Variants in ZDHHC14 observed in about 807,000 individuals in gnomAD.
ZDHHC14 encodes the protein palmitoyltransferase ZDHHC14.
A neutral mutation model predicts 47.7 loss-of-function variants in ZDHHC14; 16 were observed. The observed-to-expected ratio is 0.34, with a 90% confidence interval of 0.23 to 0.51. ZDHHC14 has a LOEUF of 0.51. ZDHHC14 is among the 20% of genes least tolerant of loss of function. The pLI is 0.97. For missense variants in ZDHHC14, 515 were observed against 662.5 expected (o/e 0.78, Z 2.44); for synonymous variants, 293 against 278.9 (o/e 1.05, Z -0.50).
chr6:157,538,027 G>A (rs1361107953), intron 1 of ZDHHC14, among the ~76,000 whole-genome samples: 1 of 152,180 alleles, frequency 6.6e-6, no homozygotes, highest in African/African-American at 2.4e-5. Context: ...AGGTGTCTCA[G>A]TAGCCCTGAC....
chr6:157,488,689 A>C (rs1182678992), intron 1 of ZDHHC14, among the ~76,000 whole-genome samples: 1 of 152,134 alleles, frequency 6.6e-6, no homozygotes, highest in African/African-American at 2.4e-5. Flanking sequence ...ATCAGTACTC[A>C]CTACCAGTTT....
intron 5 of ZDHHC14, among the ~76,000 whole-genome samples, chr6:157,636,309 T>C (rs1263716767): frequency 2.7e-5 from 4 of 150,242 alleles, no homozygotes; most frequent in African/African-American, 9.8e-5. Flanking sequence ...CACACACACA[T>C]ATATAAGGAC....
chr6:157,429,374 T>C (rs1778290326), intron 1 of ZDHHC14, among the ~76,000 whole-genome samples: 1 of 152,210 alleles, frequency 6.6e-6, no homozygotes, highest in South Asian at 2.1e-4. Flanking sequence ...TAGACTGTGA[T>C]ATAAAAATGA....
chr6:157,424,970 A>G (rs543136837), intron 1 of ZDHHC14, among the ~76,000 whole-genome samples: 13 of 152,256 alleles, frequency 8.5e-5, no homozygotes, highest in African/African-American at 3.1e-4. Context: ...CACTGCAGCC[A>G]GAGGGAGCTT....
chr6:157,442,758 C>T (rs530541442), intron 1 of ZDHHC14, among the ~76,000 whole-genome samples: 1 of 152,358 alleles, frequency 6.6e-6, no homozygotes, highest in South Asian at 2.1e-4. Flanking sequence ...ACAATTTGCT[C>T]TTCTCCTTCT....
chr6:157,404,480 A>G (rs1685742240), intron 1 of ZDHHC14, among the ~76,000 whole-genome samples: 1 of 152,226 alleles, frequency 6.6e-6, no homozygotes, highest in East Asian at 1.9e-4. Flanking sequence ...CTCCTCAACT[A>G]ATTCCTAGGG....
intron 1 of ZDHHC14, among the ~76,000 whole-genome samples, chr6:157,490,478 G>T (rs894211147): frequency 2.6e-5 from 4 of 152,190 alleles, no homozygotes; most frequent in Non-Finnish European, 5.9e-5. Flanking sequence ...GGGAGGCAAG[G>T]TATATCTACA....
rs1783697488 is a variant in ZDHHC14, at chr6:157,586,358, G to A, written c.407-6630G>A. Among the ~76,000 whole-genome samples, 1 of 152,216 alleles carries A rather than the reference G, an allele frequency of 6.6e-6. No individual in the cohort carries two copies. The highest frequency in any genetic ancestry group is 1.5e-5 in the Non-Finnish European group (1 of 68,040). On this transcript the variant is annotated intron_variant, in intron 2 of 8. Transcript: ENST00000359775. The surrounding 1 kb of genome is among the most constrained non-coding windows in gnomAD (Gnocchi z 4.6). The stretch of plus-strand genomic sequence containing the variant: ...AAGGATAGGATTATCTGCGCAGACA[G>A]CAGGAGAGGGAATCCCGAGCAGAGA...
chr6:157,636,960 A>G (rs1166514388), intron 5 of ZDHHC14, among the ~76,000 whole-genome samples: 2 of 152,234 alleles, frequency 1.3e-5, no homozygotes, highest in Admixed American at 6.5e-5. Flanking sequence ...TCTGTTTGAA[A>G]TATGTGCCTT....
At chr6:157,445,200 A>G (rs533529553) in intron 1 of ZDHHC14, among the ~76,000 whole-genome samples, 1 of 152,182 alleles carries the variant, frequency 6.6e-6, no homozygotes, top group South Asian at 2.1e-4. Flanking sequence ...TTTTATATAT[A>G]TAAAAACCTG....
At chr6:157,579,976 C>T (rs543066419) in intron 2 of ZDHHC14, among the ~76,000 whole-genome samples, 5 of 152,220 alleles carry the variant, frequency 3.3e-5, no homozygotes, top group African/African-American at 4.8e-5. Context: ...GCTTTCAAGG[C>T]GAATGCTTCT....
At chr6:157,526,889 A>G (rs1331739880) in intron 1 of ZDHHC14, among the ~76,000 whole-genome samples, 3 of 152,192 alleles carry the variant, frequency 2.0e-5, no homozygotes, top group African/African-American at 7.2e-5. Flanking sequence ...TTGCTGGCTC[A>G]TAGAGAGAGG....
At chr6:157,619,225 T>TAA (rs751645044) in intron 3 of ZDHHC14, among the ~76,000 whole-genome samples, 1 of 141,756 alleles carries the variant, frequency 7.1e-6, no homozygotes, top group African/African-American at 2.6e-5. Flanking sequence ...TACTAAAAAT[T>TAA]AAAAAAAAAA....
At chr6:157,413,306 G>C (rs1024189173) in intron 1 of ZDHHC14, among the ~76,000 whole-genome samples, 2 of 152,180 alleles carry the variant, frequency 1.3e-5, no homozygotes, top group Non-Finnish European at 2.9e-5. Context: ...CTAAAACACA[G>C]AGGTTTTGCT....
chr6:157,528,356 G>A (rs1253404470), intron 1 of ZDHHC14, among the ~76,000 whole-genome samples: 1 of 152,166 alleles, frequency 6.6e-6, no homozygotes, highest in African/African-American at 2.4e-5. Flanking sequence ...TGATATGAAA[G>A]TTTAACCATA....
intron 1 of ZDHHC14, among the ~76,000 whole-genome samples, chr6:157,487,411 C>A (rs1377171335): frequency 6.6e-6 from 1 of 152,182 alleles, no homozygotes; most frequent in African/African-American, 2.4e-5. Context: ...TCTTTGCAAA[C>A]CTGTAAGGAC....
chr6:157,411,916 T>C (rs1777878043), intron 1 of ZDHHC14, among the ~76,000 whole-genome samples: 1 of 151,384 alleles, frequency 6.6e-6, no homozygotes, highest in Non-Finnish European at 1.5e-5. Flanking sequence ...TGGAGAGATA[T>C]ATACATATAT....
chr6:157,560,702 A>G (rs1782675273), intron 2 of ZDHHC14, among the ~76,000 whole-genome samples: 1 of 152,242 alleles, frequency 6.6e-6, no homozygotes, highest in Non-Finnish European at 1.5e-5. Flanking sequence ...GCATTAATAG[A>G]TATGCATTCA....
chr6:157,650,441 C>T (rs1412626650), intron 7 of ZDHHC14, among the ~76,000 whole-genome samples: 1 of 151,990 alleles, frequency 6.6e-6, no homozygotes, highest in Admixed American at 6.5e-5. Flanking sequence ...GAAGGACGGG[C>T]AGAGCCTCAT....
Sources: allele counts gnomAD v4.1 joint callset (sites outside exome capture counted in the v4.1 genomes callset), GRCh38; gene constraint gnomAD v4.1.1; non-coding constraint Gnocchi (gnomAD v3.1); transcripts MANE v1.5; gene names NCBI Gene and HGNC (gene_info 2026-07-23, HGNC 2026-07-21).